TRHDE: variants seen among roughly 807,000 people sequenced by gnomAD.
TRHDE encodes thyrotropin-releasing hormone-degrading ectoenzyme.
In TRHDE, 72 loss-of-function variants were observed where a neutral mutation model predicts 125.7. The ratio of observed to expected loss-of-function variants is 0.57; its 90% CI spans 0.47 to 0.70. TRHDE has a LOEUF of 0.70. TRHDE is among the 30% of genes least tolerant of loss of function. The probability of loss-of-function intolerance (pLI) is 0.00; values close to 1 mark genes in which losing one functional copy is unlikely to be tolerated. For synonymous variants in TRHDE, 509 were observed against 509.1 expected (o/e 1.00, Z 0.00); for missense variants, 1,110 against 1,327.1 (o/e 0.84, Z 2.54).
At chr12:72,538,900 TCC>T (rs142687954) in intron 6 of TRHDE, among the ~76,000 whole-genome samples, 8,321 of 152,020 alleles carry the variant, frequency 0.055, 322 homozygotes, top group Admixed American at 0.13. Flanking sequence ...AAATTCCTTA[TCC>T]CTGGTATTCA....
intron 2 of TRHDE, among the ~76,000 whole-genome samples, chr12:72,109,851 A>G (rs1875276678): frequency 1.3e-5 from 2 of 152,084 alleles, no homozygotes; most frequent in South Asian, 4.1e-4. Flanking sequence ...TTCCCTTTCT[A>G]TGAAAATTGG....
intron 2 of TRHDE, among the ~76,000 whole-genome samples, chr12:72,297,923 G>T (rs1880363688): frequency 6.6e-6 from 1 of 152,190 alleles, no homozygotes; most frequent in Admixed American, 6.5e-5. Context: ...GCCAAATTTA[G>T]TTAATGGAGG....
At chr12:72,596,348 AAAT>A (rs1414855731) in intron 12 of TRHDE, among the ~76,000 whole-genome samples, 2 of 152,180 alleles carry the variant, frequency 1.3e-5, no homozygotes, top group Non-Finnish European at 2.9e-5. Flanking sequence ...TAGCTATAAG[AAAT>A]ACATGTAGTT....
chr12:72,210,941 G>T (rs1877768090), intron 2 of TRHDE, among the ~76,000 whole-genome samples: 1 of 152,066 alleles, frequency 6.6e-6, no homozygotes. Context: ...ATTTCAAAAG[G>T]AGTGTTGCTT....
upstream of TRHDE, among the ~76,000 whole-genome samples, chr12:72,271,416 C>T (rs1565678250): frequency 6.6e-6 from 1 of 152,108 alleles, no homozygotes; most frequent in Non-Finnish European, 1.5e-5. Flanking sequence ...GGATCTCTCC[C>T]TGGAGCGCGG....
At chr12:72,536,776 T>C (rs376611594) in intron 6 of TRHDE, among the ~76,000 whole-genome samples, 1 of 152,092 alleles carries the variant, frequency 6.6e-6, no homozygotes, top group East Asian at 1.9e-4. Flanking sequence ...ACCATAAACA[T>C]GTCCTATTCT....
intron 3 of TRHDE, among the ~76,000 whole-genome samples, chr12:72,387,387 T>A (rs1872465285): frequency 6.6e-6 from 1 of 152,120 alleles, no homozygotes; most frequent in Non-Finnish European, 1.5e-5. Flanking sequence ...TTGCTTTCCA[T>A]TGCTAGTATT....
intron 1 of TRHDE, among the ~76,000 whole-genome samples, chr12:72,281,276 T>C (rs1879687892): frequency 6.6e-6 from 1 of 152,184 alleles, no homozygotes; most frequent in South Asian, 2.1e-4. Flanking sequence ...AATGACTCAT[T>C]GAAGTGCATA....
chr12:72,488,204 C>G (rs1400034940), intron 5 of TRHDE, among the ~76,000 whole-genome samples: 1 of 151,894 alleles, frequency 6.6e-6, no homozygotes, highest in African/African-American at 2.4e-5. Context: ...ATTATTTAAT[C>G]AAAAGACATA....
intron 2 of TRHDE, among the ~76,000 whole-genome samples, chr12:72,357,704 A>C (rs992444020): frequency 6.6e-6 from 1 of 151,574 alleles, no homozygotes; most frequent in Non-Finnish European, 1.5e-5. Flanking sequence ...TCTTCTAAAC[A>C]AGTAGATTAT....
intron 2 of TRHDE, among the ~76,000 whole-genome samples, chr12:72,266,003 T>C (rs10879389): frequency 0.66 from 100,157 of 151,886 alleles, 35,120 homozygotes; most frequent in African/African-American, 0.92. Context: ...TCACTTGTTA[T>C]TCAGATTCAA....
intron 3 of TRHDE, among the ~76,000 whole-genome samples, chr12:72,450,958 T>C (rs1013000461): frequency 6.6e-6 from 1 of 152,156 alleles, no homozygotes; most frequent in African/African-American, 2.4e-5. Flanking sequence ...TGGAGAACTG[T>C]CAATTGCAGT....
rs76883665 is a variant in TRHDE, at chr12:72,391,988, C to T, written c.1315+13867C>T. Among the ~76,000 whole-genome samples the T allele has an allele frequency of 1.4e-3, 216 of 152,166 alleles. 2 individuals are homozygous for T. The East Asian group carries it at 0.03, about 21-fold the overall frequency. ...CCAAATTAGGTCATTAACATGGAAT[C>T]CTAATGTGATAGAACTATTGCGTTT... On this transcript the variant is annotated intron_variant, in intron 3 of 18. Coordinates refer to ENST00000261180, the MANE Select transcript of TRHDE (RefSeq NM_013381.3).
chr12:72,518,687 TATG>T (rs1565775273), intron 6 of TRHDE, among the ~76,000 whole-genome samples: 1 of 152,054 alleles, frequency 6.6e-6, no homozygotes, highest in African/African-American at 2.4e-5. Context: ...ATCCTGTCAT[TATG>T]ATGTTAGCTG....
chr12:72,575,917 A>C (rs115892452), intron 12 of TRHDE, among the ~76,000 whole-genome samples: 1,571 of 152,240 alleles, frequency 0.01, 28 homozygotes, highest in African/African-American at 0.036. Context: ...ATATCTTTTA[A>C]AAATGTTTTT....
intron 3 of TRHDE, among the ~76,000 whole-genome samples, chr12:72,395,924 T>C (rs1170336438): frequency 6.7e-6 from 1 of 149,572 alleles, no homozygotes; most frequent in African/African-American, 2.5e-5. Flanking sequence ...TTTATTTCAT[T>C]TTTTTTTTGT....
At chr12:72,333,205 A>G (rs1869682371) in intron 2 of TRHDE, among the ~76,000 whole-genome samples, 1 of 152,220 alleles carries the variant, frequency 6.6e-6, no homozygotes, top group South Asian at 2.1e-4. Flanking sequence ...GTACCCAGTG[A>G]AGACTGACAG....
chr12:72,117,144 T>C (rs965298715), intron 2 of TRHDE, among the ~76,000 whole-genome samples: 25 of 152,150 alleles, frequency 1.6e-4, no homozygotes, highest in African/African-American at 6.0e-4. Flanking sequence ...TGTAAAGAAG[T>C]CTTTGCCCAG....
At chr12:72,432,643 C>T (rs1406860506) in intron 3 of TRHDE, among the ~76,000 whole-genome samples, 1 of 152,116 alleles carries the variant, frequency 6.6e-6, no homozygotes, top group Non-Finnish European at 1.5e-5. Flanking sequence ...ACATTTGAAG[C>T]CTGGGTTTGG....
Sources: gnomAD v4.1 joint callset for allele counts (sites outside exome capture counted in the v4.1 genomes callset) on GRCh38, gnomAD v4.1.1 for gene constraint, MANE v1.5 for transcripts, NCBI Gene and HGNC (gene_info 2026-07-23, HGNC 2026-07-21) for gene names.